Variants in NHLRC2 observed in about 807,000 individuals in gnomAD.
The protein encoded by NHLRC2 is NHL repeat-containing protein 2.
In NHLRC2, 33 loss-of-function variants were observed where a neutral mutation model predicts 68.1. The ratio of observed to expected loss-of-function variants is 0.48; its 90% confidence interval spans 0.37 to 0.65. NHLRC2 has a LOEUF of 0.65. Among genes scored for constraint, NHLRC2 ranks in the 30% least tolerant of loss-of-function variants. The pLI is 0.00. For synonymous variants in NHLRC2, 311 were observed against 309.6 expected, an observed-to-expected ratio of 1.00 and a Z score of -0.05; for missense variants, 761 against 853.8, an observed-to-expected ratio of 0.89 and a Z score of 1.35.
In NHLRC2 at chr10:113,910,157, A is replaced by T. The variant is rs545591681; in HGVS notation, c.*1621A>T. 2.0e-5 allele frequency: 3 copies of T among 152,178 alleles called. No homozygotes were observed. The highest frequency in any genetic ancestry group is 4.8e-5 in the African/African-American group (2 of 41,440). 9.4% of individuals were successfully genotyped at this position (152,178 alleles called of 1,614,324 possible). The stretch of plus-strand genomic sequence containing the variant: ...CAAAAAAATGAAATGTTCTGTAATA[A>T]AAGGGTGTATAACATACTCTCTTTT... On this transcript the variant is annotated 3_prime_UTR_variant, in exon 11 of 11. Coordinates refer to ENST00000369301, the MANE Select transcript of NHLRC2 (RefSeq NM_198514.4).
chr10:113,858,439 T>TA lies in NHLRC2; in HGVS notation c.179-80dup, dbSNP rs1214345494. 1.3e-3 allele frequency: 1,138 copies of TA among 851,490 alleles called. 2 individuals are homozygous for TA. Among genetic ancestry groups the TA allele is most frequent in the African/African-American group, 6.4e-3 (368 of 57,952 alleles). The allele number at this position is 851,490 out of a possible 1,614,324, so 52.7% of individuals were successfully genotyped here. ...TCAAAGTGTTTATTTGCATTAGTCTTAAAAAAAAAGGTCACATTTTAATGG... is the reference window on the plus strand; with the variant it reads ...TCAAAGTGTTTATTTGCATTAGTCTTAAAAAAAAAAGGTCACATTTTAATGG... On this transcript the variant is annotated intron_variant, in intron 1 of 10. Transcript: ENST00000369301.
At position 113,911,673 on chromosome 10, in the gene NHLRC2, T is replaced by C. The variant is rs186043126; in HGVS notation, c.*3137T>C. ...ATATCTCTATAATGTAATAGTTTTC[T>C]GCCTGCACAAAGTTTACTATTAATT... is the stretch of plus-strand genomic sequence containing the variant. On this transcript the variant is annotated 3_prime_UTR_variant, in exon 11 of 11. Coordinates refer to ENST00000369301, the MANE Select transcript of NHLRC2 (RefSeq NM_198514.4). 2.6e-5 allele frequency: 4 copies of C among 152,304 alleles called. No homozygotes were observed. In the East Asian group the frequency reaches 7.7e-4, roughly 29 times the overall value. The allele number at this position is 152,304 out of a possible 1,614,324, so 9.4% of individuals were successfully genotyped here. A position where few individuals can be genotyped will look rare whatever the true frequency, so the allele number is the denominator to read the frequency against.
intron 2 of NHLRC2, among the ~76,000 whole-genome samples, chr10:113,862,786 A>G (rs1845829372): frequency 6.6e-6 from 1 of 152,216 alleles, no homozygotes; most frequent in Non-Finnish European, 1.5e-5. Context: ...CTATGCTAGT[A>G]TCAGACAAAA....
chr10:113,871,141 C>T (rs1845921058), intron 2 of NHLRC2, among the ~76,000 whole-genome samples: 1 of 150,678 alleles, frequency 6.6e-6, no homozygotes, highest in Non-Finnish European at 1.5e-5. Flanking sequence ...TCTCCTGCCT[C>T]AGCCTCCCAA....
rs762151371 is a variant in NHLRC2, at chr10:113,902,536, A to G, written c.1437A>G (p.Gly479=). 6.2e-7 allele frequency: 1 copy of G among 1,605,788 alleles called. No homozygotes were observed. The highest frequency in any genetic ancestry group is 8.5e-7 in the Non-Finnish European group (1 of 1,174,048). ...GINAKLQHPL[G]VTWDKKRNLL... ...ATGCAAAGCTTCAACACCCCCTTGG[A>G]GTAACATGGGACAAAAAAAGGAATT... The change falls in exon 8 of 11, where the codon GGA becomes GGG. Residue 479 remains glycine, a synonymous_variant. Coordinates refer to ENST00000369301, the MANE Select transcript of NHLRC2 (RefSeq NM_198514.4).
At chr10:113,874,486 GTGTGTGTGTT>G (rs1212090545) in intron 2 of NHLRC2, among the ~76,000 whole-genome samples, 5 of 138,798 alleles carry the variant, frequency 3.6e-5, no homozygotes, top group African/African-American at 1.4e-4. Flanking sequence ...GTGTGTGTGT[GTGTGTGTGTT>G]TAGCCTTTGA....
chr10:113,868,703 A>G (rs1845893683), intron 2 of NHLRC2, among the ~76,000 whole-genome samples: 1 of 152,204 alleles, frequency 6.6e-6, no homozygotes, highest in African/African-American at 2.4e-5. Flanking sequence ...AATCATACAT[A>G]TTTTTATAAT....
chr10:113,895,220 C>A lies in NHLRC2; in HGVS notation c.1040-2890C>A, dbSNP rs115550078. 5.8e-3 allele frequency among the ~76,000 whole-genome samples: 890 copies of A among 152,192 alleles called. 10 individuals are homozygous for A. The highest frequency in any genetic ancestry group is 0.019 in the African/African-American group (809 of 41,532). On this transcript the variant is annotated intron_variant, in intron 5 of 10. Coordinates refer to ENST00000369301, the MANE Select transcript of NHLRC2 (RefSeq NM_198514.4). ...AACCATCATTAGGATAGCTTTAGGG[C>A]TTTTTTTCTTTTTTTGTGGTTTCTA... is the stretch of plus-strand genomic sequence containing the variant.
In NHLRC2 at chr10:113,892,033, A is replaced by G. The variant is rs79174319; in HGVS notation, c.1040-6077A>G. Among the ~76,000 whole-genome samples the G allele has an allele frequency of 4.4e-3, 674 of 152,308 alleles. 8 individuals carry two copies. The highest frequency in any genetic ancestry group is 0.016 in the African/African-American group (645 of 41,560). ...TGGTATTTTCCTGTGCTCTGTGGAAAGTGACAGGCTTTGCTGCCCTTCCCT... is the reference window on the plus strand; with the variant it reads ...TGGTATTTTCCTGTGCTCTGTGGAAGGTGACAGGCTTTGCTGCCCTTCCCT... On this transcript the variant is annotated intron_variant, in intron 5 of 10. Coordinates refer to ENST00000369301, the MANE Select transcript of NHLRC2 (RefSeq NM_198514.4).
In NHLRC2 at chr10:113,901,847, C is replaced by G; in HGVS notation, c.1321C>G (p.Leu441Val). The stretch of plus-strand genomic sequence containing the variant: ...GAGCAGTACAGTGAGAACCGTTTCA[C>G]TGAAAGATGGAGCAGTGAAGCACCT... ...SESSTVRTVS[L>V]KDGAVKHLVG... The change falls in exon 7 of 11, where the codon CTG becomes GTG. Residue 441 changes from leucine (L) to valine (V), a missense_variant. By Grantham distance (32) the Leu-to-Val change is conservative. Coordinates refer to ENST00000369301, the MANE Select transcript of NHLRC2 (RefSeq NM_198514.4). 6.2e-7 allele frequency: 1 copy of G among 1,614,120 alleles called. No individual in the cohort carries two copies.
At chr10:113,855,789 G>A (rs547652083) in intron 1 of NHLRC2, among the ~76,000 whole-genome samples, 4 of 152,262 alleles carry the variant, frequency 2.6e-5, no homozygotes, top group African/African-American at 7.2e-5. Context: ...GTGAGCCACC[G>A]CGCCCGGCCT....
intron 4 of NHLRC2, among the ~76,000 whole-genome samples, chr10:113,883,301 C>A (rs747467380): frequency 6.6e-6 from 1 of 151,844 alleles, no homozygotes; most frequent in Non-Finnish European, 1.5e-5. Flanking sequence ...GCTAGTACCT[C>A]TCTTGCTTTT....
Position 113,913,002 on chromosome 10 carries a change from G to A in NHLRC2, c.*4466G>A, listed in dbSNP as rs1227665975. 6.6e-6 allele frequency: 1 copy of A among 152,158 alleles called. No individual in the cohort carries two copies. Among genetic ancestry groups the A allele is most frequent in the African/African-American group, 2.4e-5 (1 of 41,428 alleles). 9.4% of individuals were successfully genotyped at this position (152,158 alleles called of 1,614,324 possible). On this transcript the variant is annotated 3_prime_UTR_variant, in exon 11 of 11. Coordinates refer to ENST00000369301, the MANE Select transcript of NHLRC2 (RefSeq NM_198514.4). ...AAGAATAATAGATATTTATTGAGTA[G>A]ATATTTATTGAGTTCTTTCTATTTT...
At chr10:113,870,653 A>G (rs1845913891) in intron 2 of NHLRC2, among the ~76,000 whole-genome samples, 1 of 152,180 alleles carries the variant, frequency 6.6e-6, no homozygotes, top group South Asian at 2.1e-4. Context: ...ATAAATTCCT[A>G]AAAGTGGCAT....
chr10:113,869,619 A>G (rs1845903562), intron 2 of NHLRC2, among the ~76,000 whole-genome samples: 2 of 152,124 alleles, frequency 1.3e-5, no homozygotes, highest in Admixed American at 6.5e-5. Flanking sequence ...CTCTGCACCT[A>G]ACACCTCATC....
intron 2 of NHLRC2, among the ~76,000 whole-genome samples, chr10:113,874,286 G>A (rs571129122): frequency 1.5e-4 from 23 of 152,060 alleles, no homozygotes; most frequent in Non-Finnish European, 2.5e-4. Flanking sequence ...TATTTTCCTC[G>A]TTTTGCAAAT....
chr10:113,895,144 T>C (rs775940981), intron 5 of NHLRC2, among the ~76,000 whole-genome samples: 1 of 152,226 alleles, frequency 6.6e-6, no homozygotes, highest in African/African-American at 2.4e-5. Flanking sequence ...TTCACATCTA[T>C]AGCAGACTTC....
At chr10:113,893,236 G>C (rs1315293442) in intron 5 of NHLRC2, among the ~76,000 whole-genome samples, 2 of 152,110 alleles carry the variant, frequency 1.3e-5, no homozygotes, top group African/African-American at 2.4e-5. Flanking sequence ...TTGAGTACTT[G>C]TTACCAGAGC....
chr10:113,884,502 A>G (rs1424737178), intron 5 of NHLRC2, 122 bp downstream of exon 5: 13 of 674,198 alleles, frequency 1.9e-5, no homozygotes, highest in African/African-American at 5.5e-5. Flanking sequence ...TTTTATACCT[A>G]TGCCTCAGAG....
Sources: gnomAD v4.1 joint callset for allele counts (sites outside exome capture counted in the v4.1 genomes callset) on GRCh38, gnomAD v4.1.1 for gene constraint, MANE v1.5 for transcripts, NCBI Gene and HGNC (gene_info 2026-07-23, HGNC 2026-07-21) for gene names.